The following FRY variants were observed in gnomAD, a reference collection of about 807,000 sequenced individuals.
FRY encodes the protein protein furry homolog.
A neutral mutation model predicts 348.4 loss-of-function variants in FRY; 128 were observed. The ratio of observed to expected loss-of-function variants is 0.37; its 90% CI spans 0.32 to 0.43. FRY has a LOEUF of 0.43. Among genes scored for constraint, FRY ranks in the 20% least tolerant of loss-of-function variants. FRY has a pLI of 1.00. For synonymous variants in FRY, 1,370 were observed against 1,374.7 expected (o/e 1.00, Z 0.08); for missense variants, 2,736 against 3,695.2 (o/e 0.74, Z 6.73).
chr13:32,192,240 C>A (rs892354229), intron 28 of FRY, among the ~76,000 whole-genome samples: 1 of 151,894 alleles, frequency 6.6e-6, no homozygotes, highest in Non-Finnish European at 1.5e-5. Flanking sequence ...AAGCTTGATT[C>A]TTCTCTCAAG....
chr13:32,265,665 T>C (rs761537287), intron 54 of FRY, 49 bp downstream of exon 54: 1 of 1,544,706 alleles, frequency 6.5e-7, no homozygotes, highest in South Asian at 1.1e-5. Flanking sequence ...GCATGGTACA[T>C]TATATGGCAT....
intron 7 of FRY, among the ~76,000 whole-genome samples, chr13:32,125,345 A>C (rs545877166): frequency 1.2e-4 from 18 of 152,218 alleles, no homozygotes; most frequent in Non-Finnish European, 2.5e-4. Context: ...GGAAATTCTC[A>C]TTGCTAAATT....
At chr13:32,250,786 G>A (rs373515690) in intron 49 of FRY, among the ~76,000 whole-genome samples, 18 of 152,284 alleles carry the variant, frequency 1.2e-4, no homozygotes, top group East Asian at 1.2e-3. Flanking sequence ...GCATAGTGCC[G>A]GCTGCAACAG....
intron 1 of FRY, among the ~76,000 whole-genome samples, chr13:32,037,041 C>T (rs946932386): frequency 2.1e-4 from 20 of 97,546 alleles, no homozygotes; most frequent in Admixed American, 4.3e-4. Flanking sequence ...CACACACACA[C>T]ACACACACAC....
At chr13:32,117,552 G>A (rs979354937) in intron 4 of FRY, 79 bp downstream of exon 4, 2 of 1,448,558 alleles carry the variant, frequency 1.4e-6, no homozygotes, top group Admixed American at 3.4e-5. Flanking sequence ...AGAGTTACAA[G>A]GCAATTGGGT....
At chr13:32,199,309 C>T (rs1237927007) in intron 29 of FRY, among the ~76,000 whole-genome samples, 1 of 152,136 alleles carries the variant, frequency 6.6e-6, no homozygotes, top group African/African-American at 2.4e-5. Context: ...TGGCACACCA[C>T]AGTACGCATT....
At chr13:32,147,217 C>A in intron 11 of FRY, 65 bp from the exon 12 acceptor site, 1 of 963,600 alleles carries the variant, frequency 1.0e-6, no homozygotes, top group Non-Finnish European at 1.7e-6. Flanking sequence ...CAGATAAGAG[C>A]CATCTCTAGA....
At chr13:32,256,581 G>A (rs576273901) in intron 51 of FRY, among the ~76,000 whole-genome samples, 180 of 152,144 alleles carry the variant, frequency 1.2e-3, no homozygotes, top group Non-Finnish European at 1.9e-3. Flanking sequence ...GGCTGAGAGT[G>A]TACATTTTAT....
At chr13:32,202,103 T>A in intron 30 of FRY, 63 bp downstream of exon 30, 1 of 1,015,744 alleles carries the variant, frequency 9.8e-7, no homozygotes, top group Non-Finnish European at 1.6e-6. Context: ...GAAATGGTAG[T>A]TGATTACCTA....
At chr13:32,292,084 A>G (rs6561216) in intron 59 of FRY, 414,898 of 434,216 alleles carry the variant, frequency 0.96, 199,669 homozygotes, top group Non-Finnish European at 1. Context: ...CCAGGTTCAA[A>G]CGATTCTCCT....
chr13:32,155,996 C>A (rs1271364103), intron 15 of FRY, among the ~76,000 whole-genome samples: 1 of 152,006 alleles, frequency 6.6e-6, no homozygotes, highest in African/African-American at 2.4e-5. Context: ...TTCATTCATT[C>A]ATCTCCTTCT....
At chr13:32,098,269 T>C (rs1258946845) in intron 2 of FRY, among the ~76,000 whole-genome samples, 1 of 152,118 alleles carries the variant, frequency 6.6e-6, no homozygotes. Flanking sequence ...GAATAAATAC[T>C]ATATGTATTC....
At chr13:32,149,916 A>T in intron 14 of FRY, 82 bp downstream of exon 14, 1 of 825,030 alleles carries the variant, frequency 1.2e-6, no homozygotes, top group East Asian at 2.5e-5. Flanking sequence ...GGAGAATGGG[A>T]TGAGGGATGT....
chr13:32,234,258 C>CA (rs1886092442), intron 41 of FRY, among the ~76,000 whole-genome samples: 3 of 151,274 alleles, frequency 2.0e-5, no homozygotes, highest in Non-Finnish European at 4.4e-5. Flanking sequence ...CCCATCTCTA[C>CA]AAAAAACACA....
intron 1 of FRY, among the ~76,000 whole-genome samples, chr13:32,060,495 A>C (rs1335114052): frequency 1.3e-5 from 2 of 152,192 alleles, no homozygotes; most frequent in African/African-American, 4.8e-5. Flanking sequence ...TCTTGGCTTC[A>C]AATACAGATT....
chr13:32,145,824 G>A (rs541553703), intron 11 of FRY, among the ~76,000 whole-genome samples: 2 of 152,026 alleles, frequency 1.3e-5, no homozygotes, highest in South Asian at 2.1e-4. Flanking sequence ...GATTACAGGC[G>A]TGAGCCACCG....
chr13:32,251,749 T>C (rs1887094266), intron 49 of FRY, 129 bp from the exon 50 acceptor site: 4 of 713,428 alleles, frequency 5.6e-6, no homozygotes, highest in Middle Eastern at 2.4e-4. Context: ...TTTCATACTT[T>C]TGTGTATTTT....
intron 26 of FRY, 60 bp downstream of exon 26, chr13:32,185,208 A>G (rs1050691820): frequency 1.1e-5 from 16 of 1,471,590 alleles, no homozygotes; most frequent in Non-Finnish European, 1.4e-5. Flanking sequence ...CGTGTTCTTT[A>G]TTACGGTGCT....
intron 17 of FRY, among the ~76,000 whole-genome samples, chr13:32,166,376 G>T (rs1881734738): frequency 6.6e-6 from 1 of 152,256 alleles, no homozygotes; most frequent in Middle Eastern, 3.4e-3. Context: ...AGATGGCCCA[G>T]CTGGGGGAAC....
Sources: gnomAD v4.1 joint callset for allele counts (sites outside exome capture counted in the v4.1 genomes callset) on GRCh38, gnomAD v4.1.1 for gene constraint, MANE v1.5 for transcripts, NCBI Gene and HGNC (gene_info 2026-07-23, HGNC 2026-07-21) for gene names.